ZBTB44: variants seen among roughly 807,000 people sequenced by gnomAD.
ZBTB44 encodes zinc finger and BTB domain-containing protein 44.
Under a neutral mutation model 54.0 loss-of-function variants are expected in ZBTB44, and 15 were observed. The observed-to-expected ratio is 0.28, with a 90% confidence interval of 0.19 to 0.43. The LOEUF is 0.43. Ranked by LOEUF, ZBTB44 falls within the 20% of genes least tolerant of loss-of-function variation. ZBTB44 has a pLI of 1.00. For missense variants in ZBTB44, 487 were observed against 707.1 expected (o/e 0.69, Z 3.53); for synonymous variants, 230 against 250.1 (o/e 0.92, Z 0.76).
intron 1 of ZBTB44, among the ~76,000 whole-genome samples, chr11:130,302,691 G>T (rs959964191): frequency 2.0e-5 from 3 of 152,174 alleles, no homozygotes; most frequent in Non-Finnish European, 4.4e-5. Flanking sequence ...AGTGAAATGA[G>T]GGCCGGGCGT....
At chr11:130,296,843 T>C (rs759571059) in intron 1 of ZBTB44, 45 of 741,872 alleles carry the variant, frequency 6.1e-5, no homozygotes, top group Non-Finnish European at 1.0e-4. Context: ...AGATCTTTAA[T>C]GTAAATAACT....
chr11:130,247,900 T>A (rs969724021), intron 2 of ZBTB44, among the ~76,000 whole-genome samples: 9 of 152,226 alleles, frequency 5.9e-5, no homozygotes, highest in African/African-American at 2.2e-4. Flanking sequence ...AAACCAGCAG[T>A]CTTTTTTCTC....
intron 2 of ZBTB44, among the ~76,000 whole-genome samples, chr11:130,247,782 A>C (rs1048333950): frequency 1.3e-5 from 2 of 152,260 alleles, no homozygotes; most frequent in African/African-American, 4.8e-5. Flanking sequence ...CACTGATATA[A>C]AATATCCAGA....
At chr11:130,309,848 A>C (rs1021454101) in intron 1 of ZBTB44, among the ~76,000 whole-genome samples, 5 of 150,390 alleles carry the variant, frequency 3.3e-5, no homozygotes, top group Non-Finnish European at 7.4e-5. Flanking sequence ...GTGAGCTGAG[A>C]TCGAGCCACT....
Position 130,271,312 on chromosome 11 carries a change from T to C in ZBTB44, c.-56-9383A>G, listed in dbSNP as rs562268997. 4.6e-5 allele frequency among the ~76,000 whole-genome samples: 7 copies of C among 152,276 alleles called. No homozygotes were observed. In the East Asian group the frequency reaches 1.2e-3, roughly 25 times the overall value. On this transcript the variant is annotated intron_variant, in intron 1 of 7. Coordinates refer to ENST00000357899, the MANE Select transcript of ZBTB44 (RefSeq NM_001301098.2). Reference sequence around the variant, plus strand: ...GAATATGGCTAGCACCCAGAATGGCTTCTAAATTCCATTTCTCATCTCAAA... The same window carrying C: ...GAATATGGCTAGCACCCAGAATGGCCTCTAAATTCCATTTCTCATCTCAAA...
intron 1 of ZBTB44, among the ~76,000 whole-genome samples, chr11:130,309,433 C>T (rs1196978727): frequency 1.3e-5 from 2 of 152,216 alleles, no homozygotes; most frequent in Admixed American, 6.5e-5. Flanking sequence ...TAGATGAACA[C>T]TGCTCCCTCT....
intron 1 of ZBTB44, among the ~76,000 whole-genome samples, chr11:130,304,864 T>A (rs1265651968): frequency 6.6e-6 from 1 of 152,128 alleles, no homozygotes; most frequent in Non-Finnish European, 1.5e-5. Flanking sequence ...CCCTCAAGAT[T>A]CATTTGAAAA....
intron 1 of ZBTB44, among the ~76,000 whole-genome samples, chr11:130,270,374 C>T (rs535551989): frequency 6.6e-6 from 1 of 152,200 alleles, no homozygotes; most frequent in Non-Finnish European, 1.5e-5. Context: ...GAAATTTATA[C>T]ATAAACTTGT....
chr11:130,264,028 T>A (rs1029565160), intron 1 of ZBTB44, among the ~76,000 whole-genome samples: 1 of 152,228 alleles, frequency 6.6e-6, no homozygotes, highest in Non-Finnish European at 1.5e-5. Context: ...GCACAGACTC[T>A]GGAGCCAGAA....
Position 130,296,051 on chromosome 11 carries a change from C to A in ZBTB44, c.-57+18324G>T. The stretch of plus-strand genomic sequence containing the variant: ...CTGCAGTGTCTGGTTATTGATGAAG[C>A]TGATCGTATCTTGGATGTTGGGTAT... On this transcript the variant is annotated intron_variant, in intron 1 of 7. Transcript: ENST00000357899. The A allele has an allele frequency of 6.3e-6, 10 of 1,583,688 alleles. 1 individual carries two copies. In the South Asian group the frequency reaches 1.1e-4, roughly 18 times the overall value.
chr11:130,256,540 G>A (rs1228973849), intron 2 of ZBTB44, among the ~76,000 whole-genome samples: 1 of 152,060 alleles, frequency 6.6e-6, no homozygotes, highest in Non-Finnish European at 1.5e-5. Flanking sequence ...GCTGGGTGTG[G>A]TGGCATGCGT....
At chr11:130,284,486 C>T (rs908395373) in intron 1 of ZBTB44, among the ~76,000 whole-genome samples, 15 of 152,282 alleles carry the variant, frequency 9.9e-5, no homozygotes, top group African/African-American at 1.4e-4. Flanking sequence ...CAGTTATTAA[C>T]GTCAGAGCTA....
At chr11:130,278,530 T>C (rs1009347506) in intron 1 of ZBTB44, among the ~76,000 whole-genome samples, 8 of 152,164 alleles carry the variant, frequency 5.3e-5, no homozygotes, top group Non-Finnish European at 8.8e-5. Context: ...TTATCTTCTT[T>C]CTCTTCCTCC....
chr11:130,294,445 G>C (rs758886173), intron 1 of ZBTB44, among the ~76,000 whole-genome samples: 8 of 142,770 alleles, frequency 5.6e-5, no homozygotes, highest in Non-Finnish European at 1.2e-4. Flanking sequence ...AATAAATCCA[G>C]TGTTAAATGA....
At chr11:130,275,122 G>A (rs1451737862) in intron 1 of ZBTB44, among the ~76,000 whole-genome samples, 1 of 151,992 alleles carries the variant, frequency 6.6e-6, no homozygotes, top group Non-Finnish European at 1.5e-5. Flanking sequence ...ATTCTTTTAT[G>A]ATCTTTATTA....
chr11:130,262,498 TAG>T (rs1938943234), intron 1 of ZBTB44, among the ~76,000 whole-genome samples: 1 of 152,210 alleles, frequency 6.6e-6, no homozygotes, highest in African/African-American at 2.4e-5. Flanking sequence ...ATGACAATTA[TAG>T]AGTGTCTTCT....
At chr11:130,259,517 G>A (rs534382008) in intron 2 of ZBTB44, among the ~76,000 whole-genome samples, 33 of 152,204 alleles carry the variant, frequency 2.2e-4, no homozygotes, top group African/African-American at 5.8e-4. Flanking sequence ...TGTTTACTGC[G>A]GCACTATTCA....
chr11:130,308,323 T>A (rs1942393173), intron 1 of ZBTB44, among the ~76,000 whole-genome samples: 1 of 152,226 alleles, frequency 6.6e-6, no homozygotes, highest in Non-Finnish European at 1.5e-5. Flanking sequence ...AGTCATGTAG[T>A]TCCGTATTCA....
intron 1 of ZBTB44, among the ~76,000 whole-genome samples, chr11:130,262,662 C>T (rs921279320): frequency 1.3e-5 from 2 of 151,628 alleles, no homozygotes; most frequent in African/African-American, 4.9e-5. Flanking sequence ...ATTACATAAT[C>T]ATCCCTGTTA....
Sources: gnomAD v4.1 joint callset for allele counts (sites outside exome capture counted in the v4.1 genomes callset) on GRCh38, gnomAD v4.1.1 for gene constraint, MANE v1.5 for transcripts, NCBI Gene and HGNC (gene_info 2026-07-23, HGNC 2026-07-21) for gene names.